Variants in NUP153 observed in about 807,000 individuals in gnomAD.
NUP153 encodes the protein nucleoporin 153.
In NUP153, 27 loss-of-function variants were observed where a neutral mutation model predicts 134.6. That is an observed-to-expected ratio of 0.20 (90% confidence interval 0.15 to 0.28). NUP153 has a LOEUF of 0.28. Ranked by LOEUF, NUP153 falls within the 10% of genes least tolerant of loss-of-function variation. The pLI, the probability that NUP153 is intolerant of heterozygous loss-of-function variation, is 1.00. For synonymous variants in NUP153, 640 were observed against 623.5 expected, an observed-to-expected ratio of 1.03 and a Z score of -0.40; for missense variants, 1,821 against 1,731.3, an observed-to-expected ratio of 1.05 and a Z score of -0.92.
intron 2 of NUP153, among the ~76,000 whole-genome samples, chr6:17,686,896 G>T: frequency 6.8e-6 from 1 of 148,118 alleles, no homozygotes; most frequent in East Asian, 2.0e-4. Flanking sequence ...GCGGGCGGCG[G>T]GGGAGGGGGG....
intron 20 of NUP153, among the ~76,000 whole-genome samples, chr6:17,618,568 T>C (rs1361704657): frequency 6.7e-6 from 1 of 149,334 alleles, no homozygotes; most frequent in African/African-American, 2.4e-5. Flanking sequence ...CTCTCTTTTT[T>C]TTTTTTTTTT....
intron 16 of NUP153, 58 bp from the exon 17 acceptor site, chr6:17,632,902 C>G: frequency 7.8e-7 from 1 of 1,288,822 alleles, no homozygotes; most frequent in South Asian, 1.5e-5. Context: ...TTTTAATTTA[C>G]AGTATGTCAG....
chr6:17,665,614 G>A (rs74758983), intron 8 of NUP153, among the ~76,000 whole-genome samples: 3,386 of 152,030 alleles, frequency 0.022, 56 homozygotes, highest in Non-Finnish European at 0.026. Flanking sequence ...ATGGCTTCAC[G>A]GATACTCTAT....
chr6:17,654,337 T>C (rs1178046562), intron 11 of NUP153, among the ~76,000 whole-genome samples: 1 of 152,124 alleles, frequency 6.6e-6, no homozygotes, highest in African/African-American at 2.4e-5. Flanking sequence ...TTTTTTTTTT[T>C]TGAGACGGAG....
chr6:17,684,876 CACA>C (rs773395460), intron 2 of NUP153, among the ~76,000 whole-genome samples: 1 of 152,196 alleles, frequency 6.6e-6, no homozygotes, highest in Non-Finnish European at 1.5e-5. Flanking sequence ...CTGGAACACA[CACA>C]ACATTTACTG....
intron 8 of NUP153, among the ~76,000 whole-genome samples, chr6:17,666,880 C>G (rs1013347382): frequency 6.6e-5 from 10 of 152,198 alleles, no homozygotes; most frequent in Admixed American, 5.9e-4. Context: ...CAGGGCAAAG[C>G]CTCTGTATGG....
In NUP153 at chr6:17,706,422, G is replaced by GT. The variant is rs1489348266; in HGVS notation, c.-36dup. 2.6e-6 allele frequency: 4 copies of GT among 1,559,762 alleles called. No homozygotes were observed. Among genetic ancestry groups the GT allele is most frequent in the Non-Finnish European group, 3.5e-6 (4 of 1,138,468 alleles). On this transcript the variant is annotated 5_prime_UTR_variant, in exon 1 of 22. Coordinates refer to ENST00000262077, the MANE Select transcript of NUP153 (RefSeq NM_005124.4). This position sits in a 1 kb window ranked among gnomAD's most constrained non-coding sequence, Gnocchi z 5.9. ...TCCGCCGCTTCCCGCTCCGGGGCGG[G>GT]TAAGGGGGCGGGAGAGGCAGAGGCG... is the stretch of plus-strand genomic sequence containing the variant.
At chr6:17,685,265 T>C (rs147050757) in intron 2 of NUP153, among the ~76,000 whole-genome samples, 12 of 152,312 alleles carry the variant, frequency 7.9e-5, no homozygotes, top group Middle Eastern at 6.8e-3. Flanking sequence ...AACAGTCAAC[T>C]AGTTGGGAGC....
chr6:17,621,050 G>A (rs1299873060), intron 20 of NUP153, among the ~76,000 whole-genome samples: 6 of 152,088 alleles, frequency 3.9e-5, no homozygotes, highest in Non-Finnish European at 8.8e-5. Flanking sequence ...ACTGAAAAGC[G>A]GGCAAAGGAT....
At position 17,652,928 on chromosome 6, in the gene NUP153, C is replaced by T. The variant is rs183704802; in HGVS notation, c.1396-3628G>A. Among the ~76,000 whole-genome samples, 93 of 152,152 alleles carry T rather than the reference C, an allele frequency of 6.1e-4. 1 individual carries two copies. The highest frequency in any genetic ancestry group is 1.3e-3 in the Non-Finnish European group (86 of 68,008). On this transcript the variant is annotated intron_variant, in intron 11 of 21. Transcript: ENST00000262077. ...CCTGTAATCCCAGCTACTAGGGAGA[C>T]TGAGGTAGGAGAATCACTTGAACCC...
intron 2 of NUP153, among the ~76,000 whole-genome samples, chr6:17,683,612 A>G (rs1297235905): frequency 1.3e-5 from 2 of 152,190 alleles, no homozygotes; most frequent in African/African-American, 4.8e-5. Flanking sequence ...TGTTGTTTCA[A>G]TTACACAGCA....
intron 1 of NUP153, among the ~76,000 whole-genome samples, chr6:17,704,527 TC>T (rs1770346735): frequency 6.6e-6 from 1 of 152,188 alleles, no homozygotes; most frequent in Non-Finnish European, 1.5e-5. Flanking sequence ...TGAATTCTAA[TC>T]TTAAATCTGC....
At chr6:17,701,676 A>T (rs184733251) in intron 1 of NUP153, among the ~76,000 whole-genome samples, 3,138 of 142,570 alleles carry the variant, frequency 0.022, 38 homozygotes, top group Middle Eastern at 0.042. Context: ...AAAAAAAAAA[A>T]TACAAAAATT....
chr6:17,660,891 C>T (rs1767137015), intron 11 of NUP153, among the ~76,000 whole-genome samples: 1 of 152,110 alleles, frequency 6.6e-6, no homozygotes, highest in African/African-American at 2.4e-5. Flanking sequence ...TAGAAATCTA[C>T]CAAAATGTAT....
intron 14 of NUP153, among the ~76,000 whole-genome samples, chr6:17,642,589 A>G (rs1765892111): frequency 6.6e-6 from 1 of 152,240 alleles, no homozygotes. Flanking sequence ...TGCTAATGGT[A>G]ATGTGACATG....
intron 5 of NUP153, among the ~76,000 whole-genome samples, chr6:17,673,984 C>T (rs977780635): frequency 1.3e-5 from 2 of 152,168 alleles, no homozygotes; most frequent in African/African-American, 2.4e-5. Flanking sequence ...ACTGTACTAA[C>T]CATACTACTC....
chr6:17,687,052 T>C (rs969025675), intron 2 of NUP153, among the ~76,000 whole-genome samples: 17 of 152,162 alleles, frequency 1.1e-4, no homozygotes, highest in South Asian at 2.1e-4. Context: ...AATAATATAA[T>C]GAATAAAATC....
chr6:17,669,110 ACT>A, intron 7 of NUP153, 82 bp from the exon 8 acceptor site: 2 of 1,108,026 alleles, frequency 1.8e-6, no homozygotes, highest in Non-Finnish European at 2.5e-6. Flanking sequence ...ATGGAGTCTC[ACT>A]CTGTCGCCCA....
chr6:17,637,628 C>T lies in NUP153; in HGVS notation c.1989G>A (p.Gln663=). Residue 663 remains glutamine (Q), a synonymous_variant, in exon 16 of 22, where the codon CAG becomes CAA. Transcript: ENST00000262077. ...GESLKAGSSW[Q]CDTCLLQNKV... is the part of the protein sequence containing the mutation. ...TGTTCTGGAGTAGACATGTATCACA[C>T]TGCCATGATGACCCAGCTTTTAAAC... The T allele has an allele frequency of 1.9e-6, 3 of 1,614,060 alleles. No homozygotes were observed. The highest frequency in any genetic ancestry group is 2.5e-6 in the Non-Finnish European group (3 of 1,180,042).
Sources: gnomAD v4.1 joint callset for allele counts (sites outside exome capture counted in the v4.1 genomes callset) on GRCh38, gnomAD v4.1.1 for gene constraint, Gnocchi (gnomAD v3.1) non-coding constraint, MANE v1.5 for transcripts, NCBI Gene and HGNC (gene_info 2026-07-23, HGNC 2026-07-21) for gene names.